USP25: variants seen among roughly 807,000 people sequenced by gnomAD.
The protein encoded by USP25 is ubiquitin specific peptidase 25.
A neutral mutation model predicts 158.5 loss-of-function variants in USP25; 85 were observed. The ratio of observed to expected loss-of-function variants is 0.54; its 90% CI spans 0.45 to 0.64. The LOEUF is 0.64. USP25 is among the 30% of genes least tolerant of loss of function. USP25 has a pLI of 0.00. For synonymous variants in USP25, 464 were observed against 460.4 expected (o/e 1.01, Z -0.10); for missense variants, 1,242 against 1,327.3 (o/e 0.94, Z 1.00).
rs115481149 is a variant in USP25 at position 15,838,461 on chromosome 21, C to T, written c.2195-3937C>T. 2.2e-3 allele frequency among the ~76,000 whole-genome samples: 327 copies of T among 152,064 alleles called. 1 individual carries two copies. Among genetic ancestry groups the T allele is most frequent in the African/African-American group, 7.6e-3 (314 of 41,494 alleles). ...GGGGTGAGGATGTAGCTCTTTGTCC[C>T]GGATAAATTTATGGTTTGACTCTGG... is the stretch of plus-strand genomic sequence containing the variant. On this transcript the variant is annotated intron_variant, in intron 17 of 25. Transcript: ENST00000400183.
intron 1 of USP25, among the ~76,000 whole-genome samples, chr21:15,743,359 A>C (rs2032239496): frequency 6.6e-6 from 1 of 152,204 alleles, no homozygotes; most frequent in African/African-American, 2.4e-5. Context: ...AGTGACCAAG[A>C]ATAATGAGGT....
At chr21:15,822,580 A>G (rs1349661091) in intron 10 of USP25, among the ~76,000 whole-genome samples, 3 of 151,980 alleles carry the variant, frequency 2.0e-5, no homozygotes, top group Admixed American at 6.6e-5. Flanking sequence ...TATGAAAGTG[A>G]TAGTTCTTGA....
chr21:15,730,539 C>G (rs1354414151), intron 1 of USP25, 101 bp downstream of exon 1: 4 of 1,227,214 alleles, frequency 3.3e-6, no homozygotes, highest in South Asian at 2.7e-5. Flanking sequence ...GCCGCCTTCC[C>G]GGGCTTCCTC....
rs1280382565 is a variant in USP25 at position 15,834,224 on chromosome 21, A to G, written c.2194+676A>G. On this transcript the variant is annotated intron_variant, in intron 17 of 25. Coordinates refer to ENST00000400183, the MANE Select transcript of USP25 (RefSeq NM_001283041.3). The stretch of plus-strand genomic sequence containing the variant: ...AAGTCAAAGTAAACACTGTATAGGA[A>G]TTAAGAAAATAGTTTCTAGTAAAAT... Among the ~76,000 whole-genome samples the G allele has an allele frequency of 2.0e-5, 3 of 152,222 alleles. No homozygotes were observed. The East Asian group carries it at 5.8e-4, about 29-fold the overall frequency.
chr21:15,846,149 TATATATATA>T (rs1160541523), intron 18 of USP25, among the ~76,000 whole-genome samples: 964 of 69,744 alleles, frequency 0.014, 55 homozygotes, highest in African/African-American at 0.068. Flanking sequence ...TATATATATA[TATATATATA>T]TTTTTTTTTT....
intron 20 of USP25, among the ~76,000 whole-genome samples, chr21:15,861,615 G>A (rs2039430117): frequency 1.3e-5 from 2 of 152,070 alleles, no homozygotes; most frequent in African/African-American, 4.8e-5. Context: ...TTGAGAATTT[G>A]AATAAATATG....
At chr21:15,862,849 C>T (rs1043339077) in intron 20 of USP25, among the ~76,000 whole-genome samples, 1 of 145,692 alleles carries the variant, frequency 6.9e-6, no homozygotes, top group African/African-American at 2.6e-5. Flanking sequence ...AACATATTAG[C>T]CTTCCTTTTT....
intron 11 of USP25, among the ~76,000 whole-genome samples, chr21:15,824,528 C>T (rs150751364): frequency 3.3e-5 from 5 of 151,906 alleles, no homozygotes; most frequent in African/African-American, 1.2e-4. Flanking sequence ...CTTTCTGTCT[C>T]TCTGTCTTCC....
chr21:15,855,978 A>T (rs1385721692), intron 20 of USP25, among the ~76,000 whole-genome samples: 1 of 152,142 alleles, frequency 6.6e-6, no homozygotes, highest in Non-Finnish European at 1.5e-5. Context: ...TCCATGTTAT[A>T]CAGTTGTCAT....
intron 10 of USP25, among the ~76,000 whole-genome samples, chr21:15,819,938 C>CTT (rs1357082634): frequency 3.9e-5 from 6 of 152,106 alleles, no homozygotes; most frequent in Non-Finnish European, 7.4e-5. Flanking sequence ...GTCTTTCTCT[C>CTT]TACATCGTAG....
At chr21:15,776,736 A>C (rs1221884916) in intron 3 of USP25, among the ~76,000 whole-genome samples, 1 of 152,130 alleles carries the variant, frequency 6.6e-6, no homozygotes, top group Non-Finnish European at 1.5e-5. Context: ...GCTACTCTGG[A>C]GGTTGGGGCG....
Position 15,799,736 on chromosome 21 carries a change from T to A in USP25, c.556-21T>A. The stretch of plus-strand genomic sequence containing the variant: ...AATGGAATTTTCCCTCAGGTTATGT[T>A]AAATTGTTGTTCTTTTTCAGTCATT... On this transcript the variant is annotated intron_variant, in intron 5 of 25. Transcript: ENST00000400183. 7 of 1,538,700 alleles carry A rather than the reference T, an allele frequency of 4.5e-6. No homozygotes were observed. The South Asian group carries it at 8.2e-5, about 18-fold the overall frequency.
In USP25 at chr21:15,853,539, AT is replaced by A. The variant is rs968110461; in HGVS notation, c.2547+3675del. On this transcript the variant is annotated intron_variant, in intron 20 of 25. Coordinates refer to ENST00000400183, the MANE Select transcript of USP25 (RefSeq NM_001283041.3). ...GTATGTTCGTTTTCCTACTTTATGG[AT>A]TTTTTTTGCCATATTAAAAGATCTA... is the stretch of plus-strand genomic sequence containing the variant. Among the ~76,000 whole-genome samples, 50 of 151,628 alleles carry A rather than the reference AT, an allele frequency of 3.3e-4. 1 individual carries two copies. The highest frequency in any genetic ancestry group is 1.0e-3 in the African/African-American group (42 of 41,342).
intron 20 of USP25, 103 bp from the exon 21 acceptor site, chr21:15,864,165 A>C: frequency 7.7e-7 from 1 of 1,291,490 alleles, no homozygotes; most frequent in Admixed American, 2.9e-5. Context: ...AGCCAAAAAA[A>C]AAAAAAAGAT....
intron 1 of USP25, among the ~76,000 whole-genome samples, chr21:15,755,776 G>A (rs1014809028): frequency 2.0e-5 from 3 of 152,160 alleles, no homozygotes; most frequent in African/African-American, 7.2e-5. Context: ...CAAATTTATT[G>A]ACATGGAAGC....
intron 24 of USP25, 128 bp from the exon 25 acceptor site, chr21:15,877,668 C>G: frequency 1.5e-6 from 1 of 679,814 alleles, no homozygotes; most frequent in Non-Finnish European, 2.4e-6. Flanking sequence ...ATTGTTTTCT[C>G]TAAATACCGT....
chr21:15,730,479 C>T (rs1439763834), intron 1 of USP25, 41 bp downstream of exon 1: 1 of 1,325,020 alleles, frequency 7.5e-7, no homozygotes, highest in Admixed American at 4.0e-5. Flanking sequence ...ACTTCTCCTT[C>T]CGACGGGCTG....
chr21:15,855,328 C>G (rs775797406), intron 20 of USP25, among the ~76,000 whole-genome samples: 1 of 152,062 alleles, frequency 6.6e-6, no homozygotes, highest in Non-Finnish European at 1.5e-5. Flanking sequence ...TGAAATGTCT[C>G]TTAATCACCT....
rs1451534050 is a variant in USP25 at position 15,843,281 on chromosome 21, T to C, written c.2337+741T>C. ...TGAGCATAAGCAGCTCTAATGCAGA[T>C]TTTGTGGTAGTTCCTTTTAATATTT... On this transcript the variant is annotated intron_variant, in intron 18 of 25. Transcript: ENST00000400183. This position sits in a 1 kb window ranked among gnomAD's most constrained non-coding sequence, Gnocchi z 4.0. Among the ~76,000 whole-genome samples the C allele has an allele frequency of 2.6e-5, 4 of 152,212 alleles. No individual in the cohort carries two copies. Among genetic ancestry groups the C allele is most frequent in the Non-Finnish European group, 5.9e-5 (4 of 68,030 alleles).
Sources: allele counts gnomAD v4.1 joint callset (sites outside exome capture counted in the v4.1 genomes callset), GRCh38; gene constraint gnomAD v4.1.1; non-coding constraint Gnocchi (gnomAD v3.1); transcripts MANE v1.5; gene names NCBI Gene and HGNC (gene_info 2026-07-23, HGNC 2026-07-21).